The following KCNN2 variants were observed in gnomAD, a reference collection of about 807,000 sequenced individuals.
The protein encoded by KCNN2 is small conductance calcium-activated potassium channel protein 2.
Under a neutral mutation model 55.5 loss-of-function variants are expected in KCNN2, and 24 were observed. That is an observed-to-expected ratio of 0.43 (90% CI 0.31 to 0.61). KCNN2 has a LOEUF of 0.61. KCNN2 is among the 20% of genes least tolerant of loss of function. KCNN2 has a pLI of 0.08. For synonymous variants in KCNN2, 431 were observed against 336.1 expected, an observed-to-expected ratio of 1.28 and a Z score of -3.09; for missense variants, 754 against 853.6, an observed-to-expected ratio of 0.88 and a Z score of 1.45.
chr5:114,375,823 T>C (rs969515034), intron 2 of KCNN2, among the ~76,000 whole-genome samples: 1 of 151,726 alleles, frequency 6.6e-6, no homozygotes, highest in Non-Finnish European at 1.5e-5. Context: ...ATATGCTTAT[T>C]ATTATTATTT....
chr5:114,421,636 T>C (rs1020042279), intron 3 of KCNN2, among the ~76,000 whole-genome samples: 1 of 151,722 alleles, frequency 6.6e-6, no homozygotes, highest in Non-Finnish European at 1.5e-5. Context: ...TGAGACGGAA[T>C]TTCACTCTTG....
chr5:114,441,455 G>T (rs1760210910), intron 3 of KCNN2, among the ~76,000 whole-genome samples: 2 of 152,086 alleles, frequency 1.3e-5, no homozygotes, highest in African/African-American at 4.8e-5. Context: ...AGATTTCATA[G>T]AATTAGCATC....
chr5:114,454,091 G>C (rs944636944), intron 3 of KCNN2, among the ~76,000 whole-genome samples: 2 of 152,042 alleles, frequency 1.3e-5, no homozygotes, highest in African/African-American at 4.8e-5. Context: ...TTCTGTTCCC[G>C]TGTTAGTTTG....
intron 2 of KCNN2, among the ~76,000 whole-genome samples, chr5:114,305,438 C>G (rs957260014): frequency 3.9e-5 from 6 of 152,102 alleles, no homozygotes; most frequent in Non-Finnish European, 8.8e-5. Flanking sequence ...TATGTTATCT[C>G]TGTGTTGGGG....
Position 114,225,575 on chromosome 5 carries a change from A to G in KCNN2, c.-185+4010A>G, listed in dbSNP as rs138363334. On this transcript the variant is annotated intron_variant, in intron 2 of 10. Coordinates refer to the KCNN2 transcript ENST00000512097. ...TCTAGCACACAGAACAGTGCTTGAT[A>G]CATAGTAGGTGCTCAATAAATATTT... Among the ~76,000 whole-genome samples the G allele has an allele frequency of 1.5e-4, 23 of 152,280 alleles. No individual in the cohort carries two copies. In the East Asian group the frequency reaches 3.5e-3, roughly 23 times the overall value.
chr5:114,232,922 C>CTTTTTTTTTTTTTTT (rs1754390718), intron 2 of KCNN2, among the ~76,000 whole-genome samples: 16 of 44,026 alleles, frequency 3.6e-4, no homozygotes, highest in East Asian at 7.8e-4. Flanking sequence ...TATATTGTTT[C>CTTTTTTTTTTTTTTT]TTGTTTTTTT....
chr5:114,251,118 C>A (rs544334283), intron 2 of KCNN2, among the ~76,000 whole-genome samples: 1 of 152,314 alleles, frequency 6.6e-6, no homozygotes, highest in African/African-American at 2.4e-5. Flanking sequence ...TCAGGTGGAG[C>A]TGAGTATCAT....
At chr5:114,319,046 AC>A (rs1349810719) in intron 2 of KCNN2, among the ~76,000 whole-genome samples, 1 of 151,976 alleles carries the variant, frequency 6.6e-6, no homozygotes, top group Non-Finnish European at 1.5e-5. Context: ...ACGTACACAG[AC>A]CTCTGTATAA....
At chr5:114,189,859 T>TGTTG (rs1395905075) in intron 1 of KCNN2, among the ~76,000 whole-genome samples, 1 of 152,080 alleles carries the variant, frequency 6.6e-6, no homozygotes, top group Non-Finnish European at 1.5e-5. Flanking sequence ...GATAAAGTGG[T>TGTTG]GTTGGGACAA....
At chr5:114,338,913 C>A (rs1756970594) in intron 2 of KCNN2, among the ~76,000 whole-genome samples, 2 of 152,092 alleles carry the variant, frequency 1.3e-5, no homozygotes, top group South Asian at 4.2e-4. Context: ...TGTGTTCCAG[C>A]AAAATGAGAG....
Position 114,265,324 on chromosome 5 carries a change from G to GGT in KCNN2, c.-185+43799_-185+43800dup, listed in dbSNP as rs60111802. Among the ~76,000 whole-genome samples, 388 of 149,234 alleles carry GGT rather than the reference G, an allele frequency of 2.6e-3. 3 individuals are homozygous for GGT. Among genetic ancestry groups the GGT allele is most frequent in the Middle Eastern group, 0.01 (3 of 290 alleles). On this transcript the variant is annotated intron_variant, in intron 2 of 10. Coordinates refer to the KCNN2 transcript ENST00000512097. ...CAGGGAAACAGAACCATCAAGAGGA[G>GGT]GTGTGTGTGTGTGTGTGTGTGTGTG...
chr5:114,273,169 T>A (rs75983084), intron 2 of KCNN2, among the ~76,000 whole-genome samples: 12,360 of 152,168 alleles, frequency 0.081, 622 homozygotes, highest in African/African-American at 0.14. Context: ...GACACATGAT[T>A]TCCAGCTTCA....
chr5:114,418,040 A>G (rs1759360867), intron 3 of KCNN2, among the ~76,000 whole-genome samples: 1 of 152,210 alleles, frequency 6.6e-6, no homozygotes, highest in East Asian at 1.9e-4. Context: ...AGTTATAACA[A>G]TAGAAGAATG....
At chr5:114,326,758 T>C (rs1187918961) in intron 2 of KCNN2, among the ~76,000 whole-genome samples, 3 of 152,200 alleles carry the variant, frequency 2.0e-5, no homozygotes, top group Non-Finnish European at 2.9e-5. Context: ...TAGATTTTTT[T>C]CCATCTATTG....
intron 2 of KCNN2, among the ~76,000 whole-genome samples, chr5:114,315,115 A>G (rs1756473423): frequency 6.6e-6 from 1 of 152,154 alleles, no homozygotes; most frequent in African/African-American, 2.4e-5. Context: ...TCTGTGCTTC[A>G]CTGCTCTCAA....
chr5:114,389,840 A>C (rs1203564871), intron 2 of KCNN2, among the ~76,000 whole-genome samples: 3 of 152,188 alleles, frequency 2.0e-5, no homozygotes, highest in Non-Finnish European at 4.4e-5. Context: ...TGGAGAAATC[A>C]TAATGTAAAT....
chr5:114,427,446 C>T (rs865787835), intron 3 of KCNN2, among the ~76,000 whole-genome samples: 1 of 152,202 alleles, frequency 6.6e-6, no homozygotes, highest in Non-Finnish European at 1.5e-5. Flanking sequence ...ATGACGCAGA[C>T]AGCCCAAGTG....
intron 1 of KCNN2, among the ~76,000 whole-genome samples, chr5:114,171,094 T>C (rs747561064): frequency 7.0e-4 from 106 of 152,004 alleles, no homozygotes; most frequent in Non-Finnish European, 1.5e-3. Context: ...TCCATTCTGA[T>C]GTTCCACTGT....
At chr5:114,095,547 A>G (rs963230199) in intron 1 of KCNN2, among the ~76,000 whole-genome samples, 1 of 152,198 alleles carries the variant, frequency 6.6e-6, no homozygotes, top group Admixed American at 6.5e-5. Flanking sequence ...GGTTCCATTT[A>G]ACAAGGTTGC....
Sources: allele counts gnomAD v4.1 joint callset (sites outside exome capture counted in the v4.1 genomes callset), GRCh38; gene constraint gnomAD v4.1.1; transcripts MANE v1.5; gene names NCBI Gene and HGNC (gene_info 2026-07-23, HGNC 2026-07-21).